The following C2CD3 variants were observed in gnomAD, a reference collection of about 807,000 sequenced individuals.
The protein encoded by C2CD3 is C2 domain containing 3 centriole elongation regulator.
A neutral mutation model predicts 234.0 loss-of-function variants in C2CD3; 148 were observed. That is an observed-to-expected ratio of 0.63 (90% CI 0.55 to 0.72). C2CD3 has a LOEUF of 0.72. Ranked by LOEUF, C2CD3 falls within the 30% of genes least tolerant of loss-of-function variation. The probability of loss-of-function intolerance (pLI) is 0.00; values close to 1 mark genes in which losing one functional copy is unlikely to be tolerated. For missense variants in C2CD3, 2,577 were observed against 2,811.5 expected, an observed-to-expected ratio of 0.92 and a Z score of 1.89; for synonymous variants, 1,000 against 1,035.4, an observed-to-expected ratio of 0.97 and a Z score of 0.66.
chr11:74,103,505 G>A lies in C2CD3; in HGVS notation c.2206C>T (p.Leu736Phe), dbSNP rs1314998354. Residue 736 changes from leucine to phenylalanine, a missense_variant, in exon 14 of 33, where the codon CTT becomes TTT. By Grantham distance (22) the Leu-to-Phe change is conservative. Coordinates refer to ENST00000334126, the MANE Select transcript of C2CD3 (RefSeq NM_001286577.2). ...TTGGTACAGGTCATATCTTGGTTAA[G>A]TTCTGGTAGTGCCTTATTTGGACTT... ...PTSPNKALPE[L>F]NQDMTCTKNP... 1 of 1,614,188 alleles carries A rather than the reference G, an allele frequency of 6.2e-7. No individual in the cohort carries two copies. The highest frequency in any genetic ancestry group is 1.3e-5 in the African/African-American group (1 of 75,064).
chr11:74,130,205 T>C (rs1195423807), intron 7 of C2CD3, among the ~76,000 whole-genome samples: 1 of 145,754 alleles, frequency 6.9e-6, no homozygotes, highest in East Asian at 2.0e-4. Context: ...TTTTTGTACA[T>C]GGTGTGAGAT....
chr11:74,114,182 A>C (rs953107264), intron 10 of C2CD3, among the ~76,000 whole-genome samples: 1 of 152,206 alleles, frequency 6.6e-6, no homozygotes, highest in African/African-American at 2.4e-5. Context: ...ATGTAAGAAC[A>C]GAGTCTGTAT....
chr11:74,081,632 T>C (rs987618559), intron 22 of C2CD3, among the ~76,000 whole-genome samples: 25 of 152,332 alleles, frequency 1.6e-4, no homozygotes, highest in Non-Finnish European at 2.6e-4. Context: ...ATCACCATCA[T>C]CATCATCATC....
intron 3 of C2CD3, among the ~76,000 whole-genome samples, chr11:74,161,122 T>C (rs1856427724): frequency 1.3e-5 from 2 of 152,182 alleles, no homozygotes; most frequent in Non-Finnish European, 2.9e-5. Flanking sequence ...CAATGATTAA[T>C]TAATGCTTTT....
chr11:74,137,535 G>GTA (rs58789501), intron 5 of C2CD3, among the ~76,000 whole-genome samples: 33,757 of 147,224 alleles, frequency 0.23, 4,246 homozygotes, highest in Admixed American at 0.31. Context: ...ATCTTGGAGT[G>GTA]TATATATATA....
intron 8 of C2CD3, among the ~76,000 whole-genome samples, chr11:74,120,773 A>G (rs1957184820): frequency 6.6e-6 from 1 of 152,180 alleles, no homozygotes; most frequent in South Asian, 2.1e-4. Context: ...ATTTCTCCAC[A>G]TCCTCTCCTT....
intron 12 of C2CD3, among the ~76,000 whole-genome samples, chr11:74,108,759 C>G (rs1956628446): frequency 6.6e-6 from 1 of 151,998 alleles, no homozygotes; most frequent in Non-Finnish European, 1.5e-5. Flanking sequence ...ATCTGTAAAA[C>G]AAATATAATA....
intron 32 of C2CD3, among the ~76,000 whole-genome samples, chr11:74,026,209 G>A (rs1225575267): frequency 6.6e-6 from 1 of 152,150 alleles, no homozygotes; most frequent in Non-Finnish European, 1.5e-5. Flanking sequence ...TCGAGAGGCT[G>A]AGGCAGAGGA....
At chr11:74,065,156 T>C (rs572236396) in intron 24 of C2CD3, among the ~76,000 whole-genome samples, 1 of 152,232 alleles carries the variant, frequency 6.6e-6, no homozygotes, top group South Asian at 2.1e-4. Flanking sequence ...ATTTTTACAA[T>C]CTACCCATCT....
At chr11:74,061,960 CAG>C (rs1954270999) in intron 24 of C2CD3, among the ~76,000 whole-genome samples, 1 of 151,880 alleles carries the variant, frequency 6.6e-6, no homozygotes, top group African/African-American at 2.4e-5. Flanking sequence ...AAAAAAAAAG[CAG>C]GGGTTGCAAT....
chr11:74,117,014 A>G (rs1310019864), intron 9 of C2CD3, among the ~76,000 whole-genome samples: 2 of 123,000 alleles, frequency 1.6e-5, no homozygotes, highest in Admixed American at 1.6e-4. Context: ...ATATATACAC[A>G]TATATACGTG....
rs370540388 is a variant in C2CD3 at position 74,048,298 on chromosome 11, G to A, written c.5402C>T (p.Thr1801Met). 25 of 1,613,478 alleles carry A rather than the reference G, an allele frequency of 1.5e-5. No homozygotes were observed. In the African/African-American group the frequency reaches 2.1e-4, roughly 14 times the overall value. The change falls in exon 28 of 33, where the codon ACG (threonine) becomes ATG (methionine). Residue 1801 changes from threonine (T) to methionine (M), a missense_variant. Transcript: ENST00000334126. ...CATGTGGCTGGAGAATGCAGCATAC[G>A]TATCAGAGGCAGGGAAGGAAAAGGG... ...YSPFSFPASD[T>M]YAAFSSHMAR...
intron 23 of C2CD3, among the ~76,000 whole-genome samples, chr11:74,077,772 T>A (rs1163362297): frequency 2.5e-3 from 1 of 396 alleles, no homozygotes; most frequent in Non-Finnish European, 7.0e-3. Flanking sequence ...GAACTTACAG[T>A]ATATATATAT....
intron 3 of C2CD3, among the ~76,000 whole-genome samples, chr11:74,143,211 G>A (rs1036301949): frequency 6.6e-6 from 1 of 152,016 alleles, no homozygotes; most frequent in African/African-American, 2.4e-5. Context: ...CTCAAGGTTC[G>A]CTTTAACAAT....
At chr11:74,134,181 A>G (rs1381719453) in intron 5 of C2CD3, among the ~76,000 whole-genome samples, 3 of 152,212 alleles carry the variant, frequency 2.0e-5, no homozygotes, top group Non-Finnish European at 2.9e-5. Context: ...GATATGTACT[A>G]TGACTACTTT....
chr11:74,127,653 T>C (rs1957455973), intron 7 of C2CD3, among the ~76,000 whole-genome samples: 1 of 152,174 alleles, frequency 6.6e-6, no homozygotes. Flanking sequence ...TGTCATATGG[T>C]AAATCTATAG....
chr11:74,080,789 C>T (rs1173609709), intron 22 of C2CD3, among the ~76,000 whole-genome samples: 2 of 152,086 alleles, frequency 1.3e-5, no homozygotes, highest in Admixed American at 1.3e-4. Flanking sequence ...ACGTACCTAG[C>T]CCTGTGCCAA....
At chr11:74,081,621 CATCACCAT>C (rs1473934320) in intron 22 of C2CD3, among the ~76,000 whole-genome samples, 2 of 151,940 alleles carry the variant, frequency 1.3e-5, no homozygotes, top group African/African-American at 4.8e-5. Flanking sequence ...TCATCATCAT[CATCACCAT>C]CATCATCATC....
Position 74,098,194 on chromosome 11 carries a change from A to G in C2CD3, c.2794T>C (p.Tyr932His), listed in dbSNP as rs755371877. 3 of 1,613,662 alleles carry G rather than the reference A, an allele frequency of 1.9e-6. No homozygotes were observed. The highest frequency in any genetic ancestry group is 2.7e-5 in the African/African-American group (2 of 74,938). The change falls in exon 16 of 33, where the codon TAC becomes CAC. Residue 932 changes from tyrosine to histidine, a missense_variant. Physicochemically the swap from Tyr to His is moderately conservative, Grantham distance 83 (BLOSUM62 2). Transcript: ENST00000334126. ...AQYPVVAVDSYMPVIDVFSGH... is the reference protein window; with the variant it reads ...AQYPVVAVDSHMPVIDVFSGH... ...GAAAACACATCAATCACAGGCATGT[A>G]GCTGTCGACAGCAACAACTGGGTAC...
Sources: gnomAD v4.1 joint callset for allele counts (sites outside exome capture counted in the v4.1 genomes callset) on GRCh38, gnomAD v4.1.1 for gene constraint, MANE v1.5 for transcripts, NCBI Gene and HGNC (gene_info 2026-07-23, HGNC 2026-07-21) for gene names.